ABHD5: variants seen among roughly 807,000 people sequenced by gnomAD.
ABHD5 encodes the protein 1-acylglycerol-3-phosphate O-acyltransferase ABHD5.
ABHD5 carries 30 observed loss-of-function variants against 44.9 expected under a neutral mutation model. The observed-to-expected ratio is 0.67, with a 90% CI of 0.50 to 0.91. The LOEUF (loss-of-function observed/expected upper bound fraction) is 0.91. ABHD5 is among the 40% of genes least tolerant of loss of function. The pLI, the probability that ABHD5 is intolerant of heterozygous loss-of-function variation, is 0.00. For missense variants in ABHD5, 399 were observed against 423.4 expected, an observed-to-expected ratio of 0.94 and a Z score of 0.50; for synonymous variants, 167 against 147.0, an observed-to-expected ratio of 1.14 and a Z score of -0.99.
At chr3:43,712,088 G>A (rs975570285) in intron 4 of ABHD5, among the ~76,000 whole-genome samples, 2 of 152,120 alleles carry the variant, frequency 1.3e-5, no homozygotes, top group Non-Finnish European at 2.9e-5. Flanking sequence ...AATTAGCAAA[G>A]CAGAAAAGGA....
chr3:43,695,238 T>A (rs1169318501), intron 1 of ABHD5: 1 of 152,220 alleles, frequency 6.6e-6, no homozygotes, highest in African/African-American at 2.4e-5. Context: ...TTTACCCAAG[T>A]GTTATAATTT....
chr3:43,705,690 GCT>G (rs2084609726), intron 3 of ABHD5, among the ~76,000 whole-genome samples: 1 of 152,088 alleles, frequency 6.6e-6, no homozygotes, highest in Admixed American at 6.5e-5. Flanking sequence ...CTTCTCCCTA[GCT>G]TTTTTCCTTC....
intron 7 of ABHD5, among the ~76,000 whole-genome samples, chr3:43,731,688 C>T (rs1000769126): frequency 4.6e-5 from 7 of 152,108 alleles, no homozygotes; most frequent in Admixed American, 1.3e-4. Context: ...AAAAATTAGC[C>T]GGGTGTGGTG....
chr3:43,699,522 G>C (rs1490990460), intron 2 of ABHD5, 161 bp downstream of exon 2: 2 of 742,746 alleles, frequency 2.7e-6, no homozygotes. Flanking sequence ...AATGAATGTC[G>C]GGGGCTGGCA....
intron 3 of ABHD5, among the ~76,000 whole-genome samples, chr3:43,708,556 T>C (rs1483233201): frequency 1.3e-5 from 2 of 152,208 alleles, no homozygotes; most frequent in East Asian, 1.9e-4. Flanking sequence ...TCTACTCTTG[T>C]AGTCTTCCTA....
chr3:43,691,156 G>A, intron 1 of ABHD5, 117 bp downstream of exon 1: 3 of 1,089,714 alleles, frequency 2.8e-6, no homozygotes, highest in Non-Finnish European at 3.6e-6. Flanking sequence ...ACGACGGGCG[G>A]CTTCCTCGAC....
rs1230106497 is a variant in ABHD5 at position 43,720,697 on chromosome 3, C to A, written c.*2165C>A. ...ATAAATTTTCCTGTGATAGTCACAA[C>A]AAGACAGCTGTATAGTTTCTTGAGT... On this transcript the variant is annotated 3_prime_UTR_variant, in exon 7 of 7. Transcript: ENST00000644371. 1 of 152,120 alleles carries A rather than the reference C, an allele frequency of 6.6e-6. No homozygotes were observed. The highest frequency in any genetic ancestry group is 1.5e-5 in the Non-Finnish European group (1 of 68,012). 9.4% of individuals were successfully genotyped at this position (152,120 alleles called of 1,614,324 possible).
At chr3:43,723,051 C>CA (rs1186305483), downstream of ABHD5, among the ~76,000 whole-genome samples, 1 of 152,112 alleles carries the variant, frequency 6.6e-6, no homozygotes, top group South Asian at 2.1e-4. Context: ...AGCAAGGCAG[C>CA]AAACAGAGTA....
At chr3:43,728,763 T>G (rs1179390465) in intron 7 of ABHD5, among the ~76,000 whole-genome samples, 2 of 152,176 alleles carry the variant, frequency 1.3e-5, no homozygotes, top group African/African-American at 4.8e-5. Context: ...CTAACAGAGA[T>G]AGATCTGAGA....
chr3:43,705,970 C>T (rs1379545295), intron 3 of ABHD5, among the ~76,000 whole-genome samples: 2 of 152,054 alleles, frequency 1.3e-5, no homozygotes, highest in East Asian at 3.9e-4. Flanking sequence ...TCGATAGACT[C>T]ACAGATCCAA....
chr3:43,693,268 A>G (rs780928844), intron 1 of ABHD5, among the ~76,000 whole-genome samples: 2 of 152,232 alleles, frequency 1.3e-5, no homozygotes, highest in Non-Finnish European at 2.9e-5. Flanking sequence ...GAATTTTGCC[A>G]ACGGTTGGCA....
intron 5 of ABHD5, among the ~76,000 whole-genome samples, chr3:43,716,665 G>A (rs1309854965): frequency 6.6e-6 from 1 of 152,192 alleles, no homozygotes; most frequent in African/African-American, 2.4e-5. Flanking sequence ...TAGGCAGTCA[G>A]GTTTGGTGGA....
At chr3:43,695,191 T>C (rs2084458185) in intron 1 of ABHD5, 1 of 152,240 alleles carries the variant, frequency 6.6e-6, no homozygotes, top group Non-Finnish European at 1.5e-5. Flanking sequence ...TTCCCAAGAA[T>C]AGGATTTAAA....
chr3:43,730,117 C>G (rs2084903436), intron 7 of ABHD5, among the ~76,000 whole-genome samples: 1 of 152,220 alleles, frequency 6.6e-6, no homozygotes, highest in African/African-American at 2.4e-5. Context: ...AACAATCTTT[C>G]ATTTAATCCT....
At chr3:43,713,371 G>GTTC (rs2084714165) in intron 4 of ABHD5, among the ~76,000 whole-genome samples, 1 of 151,764 alleles carries the variant, frequency 6.6e-6, no homozygotes, top group South Asian at 2.1e-4. Context: ...GAAAAGATGG[G>GTTC]TTCTGTTAGT....
rs759036867 is a variant in ABHD5, at chr3:43,702,603, A to C, written c.506+16A>C. 1 of 1,614,028 alleles carries C rather than the reference A, an allele frequency of 6.2e-7. No individual in the cohort carries two copies. Among genetic ancestry groups the C allele is most frequent in the Non-Finnish European group, 8.5e-7 (1 of 1,179,998 alleles). On this transcript the variant is annotated intron_variant, in intron 3 of 6. Coordinates refer to ENST00000644371, the MANE Select transcript of ABHD5 (RefSeq NM_016006.6). ...ACCCATCAAGGTAAGTGGTGGTGACAGAAGAGAGGGATTATAACTGTGCTT... is the reference window on the plus strand; with the variant it reads ...ACCCATCAAGGTAAGTGGTGGTGACCGAAGAGAGGGATTATAACTGTGCTT...
In ABHD5 at chr3:43,717,827, C is replaced by T. The variant is rs775943260; in HGVS notation, c.930C>T (p.Ser310=). Residue 310 remains serine (S), a synonymous_variant, in exon 6 of 7, where the codon TCC becomes TCT. Transcript: ENST00000644371. The part of the protein sequence containing the change: ...IDGNSGTSIQ[S]LRPHSYVKTI... ...GCAATTCTGGCACCAGCATCCAGTC[C>T]TTACGACCACATTCATATGTGAAGA... 1.3e-5 allele frequency: 21 copies of T among 1,614,086 alleles called. 1 individual carries two copies. The highest frequency in any genetic ancestry group is 1.2e-4 in the Admixed American group (7 of 60,006).
chr3:43,697,763 G>A (rs1241595778), intron 1 of ABHD5, among the ~76,000 whole-genome samples: 1 of 152,172 alleles, frequency 6.6e-6, no homozygotes, highest in East Asian at 1.9e-4. Context: ...GCAGGTCCAG[G>A]AAAATATAGA....
rs369482760 is a variant in ABHD5, at chr3:43,710,967, T to A, written c.507-742T>A. Among the ~76,000 whole-genome samples, 4 of 152,352 alleles carry A rather than the reference T, an allele frequency of 2.6e-5. No homozygotes were observed. In the East Asian group the frequency reaches 7.7e-4, roughly 29 times the overall value. On this transcript the variant is annotated intron_variant, in intron 3 of 6. Transcript: ENST00000644371. ...ATGGAAAAATTAAAATGATTAACAA[T>A]ATGAAATAATTGTATATGAAGTTCT...
Sources: gnomAD v4.1 joint callset for allele counts (sites outside exome capture counted in the v4.1 genomes callset) on GRCh38, gnomAD v4.1.1 for gene constraint, MANE v1.5 for transcripts, NCBI Gene and HGNC (gene_info 2026-07-23, HGNC 2026-07-21) for gene names.